AP2B1: variants seen among roughly 807,000 people sequenced by gnomAD.
The protein encoded by AP2B1 is AP-2 complex subunit beta.
In AP2B1, 23 loss-of-function variants were observed where a neutral mutation model predicts 102.0. The ratio of observed to expected loss-of-function variants is 0.23; its 90% CI spans 0.16 to 0.32. AP2B1 has a LOEUF of 0.32. Among genes scored for constraint, AP2B1 ranks in the 10% least tolerant of loss-of-function variants. The pLI is 1.00. For synonymous variants in AP2B1, 381 were observed against 421.2 expected, an observed-to-expected ratio of 0.90 and a Z score of 1.17; for missense variants, 541 against 1,157.4, an observed-to-expected ratio of 0.47 and a Z score of 7.73.
chr17:35,633,498 A>G (rs1041060554), intron 9 of AP2B1, among the ~76,000 whole-genome samples: 6 of 152,182 alleles, frequency 3.9e-5, no homozygotes, highest in Admixed American at 3.9e-4. Flanking sequence ...TAGTACTTCT[A>G]AAGATCTTAT....
At chr17:35,681,688 C>A (rs2075825896) in intron 17 of AP2B1, among the ~76,000 whole-genome samples, 1 of 152,126 alleles carries the variant, frequency 6.6e-6, no homozygotes, top group East Asian at 1.9e-4. Flanking sequence ...CAGGCGTGAA[C>A]CACCACACCT....
chr17:35,684,303 A>C (rs3890901), intron 18 of AP2B1, among the ~76,000 whole-genome samples: 75,833 of 152,010 alleles, frequency 0.5, 18,974 homozygotes, highest in East Asian at 0.52. Context: ...GAATGAGACT[A>C]TGAAATATAT....
At chr17:35,650,960 A>G in intron 13 of AP2B1, 171 bp downstream of exon 13, 1 of 667,080 alleles carries the variant, frequency 1.5e-6, no homozygotes, top group Non-Finnish European at 2.5e-6. Context: ...CTACTATACA[A>G]CCCCAGGGAG....
intron 21 of AP2B1, among the ~76,000 whole-genome samples, chr17:35,720,569 ATATATTTTTTTTTTTT>A (rs1344760694): frequency 4.0e-5 from 2 of 50,362 alleles, no homozygotes; most frequent in East Asian, 1.2e-3. Flanking sequence ...ATATATATAT[ATATATTTTTTTTTTTT>A]TTTTTTTTTT....
chr17:35,619,993 C>T (rs542380449), intron 5 of AP2B1, among the ~76,000 whole-genome samples: 1 of 152,172 alleles, frequency 6.6e-6, no homozygotes, highest in Admixed American at 6.6e-5. Context: ...ACCATGTTGG[C>T]CAGGCTGATC....
rs1290646390 is a variant in AP2B1, at chr17:35,690,148, C to T, written c.2454+7324C>T. ...TTTAAATTTAATCTTTTTTTCTCTCCGTTCTTCAGACTGGATAATTCCTAT... is the reference window on the plus strand; with the variant it reads ...TTTAAATTTAATCTTTTTTTCTCTCTGTTCTTCAGACTGGATAATTCCTAT... On this transcript the variant is annotated intron_variant, in intron 18 of 21. Transcript: ENST00000610402. Among the ~76,000 whole-genome samples the T allele has an allele frequency of 5.3e-5, 8 of 152,006 alleles. No individual in the cohort carries two copies. In the South Asian group the frequency reaches 8.3e-4, roughly 16 times the overall value.
intron 9 of AP2B1, among the ~76,000 whole-genome samples, chr17:35,635,643 A>G (rs1453594111): frequency 6.6e-6 from 1 of 151,988 alleles, no homozygotes; most frequent in African/African-American, 2.4e-5. Flanking sequence ...CGGCCTCCCA[A>G]AGTGCTAGTG....
intron 13 of AP2B1, among the ~76,000 whole-genome samples, chr17:35,657,139 T>G (rs1212372203): frequency 1.3e-5 from 2 of 152,194 alleles, no homozygotes; most frequent in African/African-American, 2.4e-5. Context: ...TTTGTTGTGT[T>G]TCTCTCTCAT....
Position 35,636,325 on chromosome 17 carries a change from G to C in AP2B1, c.1156-16G>C. 1 of 1,588,098 alleles carries C rather than the reference G, an allele frequency of 6.3e-7. No individual in the cohort carries two copies. Among genetic ancestry groups the C allele is most frequent in the Non-Finnish European group, 8.6e-7 (1 of 1,161,258 alleles). On this transcript the variant is annotated splice_polypyrimidine_tract_variant and intron_variant, in intron 9 of 21. Transcript: ENST00000610402. ...TAGATCATCTGACTTCTCATTTTTT[G>C]TATTTTTCTTCCCAGCAATCTGCAG...
intron 5 of AP2B1, chr17:35,621,247 A>G: frequency 2.1e-6 from 2 of 949,206 alleles, no homozygotes; most frequent in Non-Finnish European, 1.3e-6. Context: ...TGCTGTCTCA[A>G]AGTTAGTCTT....
At chr17:35,626,912 A>T in intron 7 of AP2B1, 70 bp downstream of exon 7, 1 of 1,379,132 alleles carries the variant, frequency 7.3e-7, no homozygotes, top group Non-Finnish European at 1.0e-6. Context: ...GTCAATGTTA[A>T]TTAGGCTAGT....
chr17:35,642,230 G>C (rs1176824205), intron 12 of AP2B1, among the ~76,000 whole-genome samples: 1 of 152,112 alleles, frequency 6.6e-6, no homozygotes, highest in Non-Finnish European at 1.5e-5. Flanking sequence ...TTAGTTTAGT[G>C]AAGGACATAC....
At chr17:35,693,482 C>A (rs926078515) in intron 18 of AP2B1, among the ~76,000 whole-genome samples, 2 of 148,920 alleles carry the variant, frequency 1.3e-5, no homozygotes, top group Non-Finnish European at 3.0e-5. Context: ...AATTTATTTT[C>A]TTTTTTTTTT....
At chr17:35,657,525 C>G in intron 13 of AP2B1, 74 bp from the exon 14 acceptor site, 1 of 1,243,142 alleles carries the variant, frequency 8.0e-7, no homozygotes. Context: ...ATATGTTTCA[C>G]TGTTGTTGCG....
intron 18 of AP2B1, among the ~76,000 whole-genome samples, chr17:35,700,991 A>G (rs1453616974): frequency 6.6e-6 from 1 of 152,214 alleles, no homozygotes; most frequent in African/African-American, 2.4e-5. Context: ...AGGGTTAGGT[A>G]ATCTTCTTGG....
At chr17:35,720,600 T>TTTTA (rs2085357461) in intron 21 of AP2B1, among the ~76,000 whole-genome samples, 1 of 118,054 alleles carries the variant, frequency 8.5e-6, no homozygotes, top group Non-Finnish European at 1.7e-5. Flanking sequence ...TTTTTTTTTT[T>TTTTA]AATATAGAGA....
At chr17:35,612,548 G>T (rs1419700805) in intron 5 of AP2B1, among the ~76,000 whole-genome samples, 1 of 152,112 alleles carries the variant, frequency 6.6e-6, no homozygotes, top group African/African-American at 2.4e-5. Context: ...AAATTTAAGT[G>T]CCTTCTATGC....
intron 18 of AP2B1, among the ~76,000 whole-genome samples, chr17:35,696,887 G>A (rs1465209988): frequency 6.6e-6 from 1 of 152,124 alleles, no homozygotes; most frequent in Non-Finnish European, 1.5e-5. Flanking sequence ...CCACTGCTAT[G>A]TCTCCCAGGG....
At chr17:35,668,712 G>A (rs2075523798) in intron 14 of AP2B1, among the ~76,000 whole-genome samples, 1 of 152,036 alleles carries the variant, frequency 6.6e-6, no homozygotes, top group Non-Finnish European at 1.5e-5. Context: ...ATTCTTCCAT[G>A]CTTTCTTCAC....
Sources: gnomAD v4.1 joint callset for allele counts (sites outside exome capture counted in the v4.1 genomes callset) on GRCh38, gnomAD v4.1.1 for gene constraint, MANE v1.5 for transcripts, NCBI Gene and HGNC (gene_info 2026-07-23, HGNC 2026-07-21) for gene names.